Variants in SERPINE3 observed in about 807,000 individuals in gnomAD.
SERPINE3 encodes the protein serpin E3.
SERPINE3 carries 43 observed loss-of-function variants against 41.7 expected under a neutral mutation model. The ratio of observed to expected loss-of-function variants is 1.03; its 90% CI spans 0.81 to 1.33. SERPINE3 has a LOEUF of 1.33. Among genes scored for constraint, SERPINE3 ranks in the 40% most tolerant of loss-of-function variants. The pLI, the probability that SERPINE3 is intolerant of heterozygous loss-of-function variation, is 0.00. For missense variants in SERPINE3, 440 were observed against 491.7 expected, an observed-to-expected ratio of 0.89 and a Z score of 0.99; for synonymous variants, 200 against 192.2, an observed-to-expected ratio of 1.04 and a Z score of -0.34.
chr13:51,359,303 A>C (rs1955525765), intron 7 of SERPINE3, among the ~76,000 whole-genome samples: 1 of 152,088 alleles, frequency 6.6e-6, no homozygotes, highest in African/African-American at 2.4e-5. Context: ...AAGTGGGAGG[A>C]AAAATGCAAA....
rs779673485 is a variant in SERPINE3, at chr13:51,364,414, A to C, written c.*132A>C. 2.2e-5 allele frequency: 11 copies of C among 493,276 alleles called. No individual in the cohort carries two copies. Among genetic ancestry groups the C allele is most frequent in the Non-Finnish European group, 3.5e-5 (10 of 284,966 alleles). 30.6% of individuals were successfully genotyped at this position (493,276 alleles called of 1,614,324 possible). Reference sequence around the variant, plus strand: ...GGGTATGTGATTTTCAATATTATAAACCTAAAAATACTTCAGTTTTTAAAT... The same window carrying C: ...GGGTATGTGATTTTCAATATTATAACCCTAAAAATACTTCAGTTTTTAAAT... On this transcript the variant is annotated 3_prime_UTR_variant, in exon 10 of 10. Transcript: ENST00000681248.
intron 6 of SERPINE3, among the ~76,000 whole-genome samples, chr13:51,352,084 T>C (rs1280724171): frequency 1.3e-5 from 2 of 152,148 alleles, no homozygotes; most frequent in Non-Finnish European, 2.9e-5. Flanking sequence ...TTGTTTTAGC[T>C]ATTCTGGGCC....
rs558020451 is a variant in SERPINE3 at position 51,343,774 on chromosome 13, C to T, written c.257-478C>T. Among the ~76,000 whole-genome samples, 44 of 152,280 alleles carry T rather than the reference C, an allele frequency of 2.9e-4. No homozygotes were observed. The Middle Eastern group carries it at 0.01, about 35-fold the overall frequency. On this transcript the variant is annotated intron_variant, in intron 3 of 9. Coordinates refer to ENST00000681248, the MANE Select transcript of SERPINE3 (RefSeq NM_001386375.1). ...AGTTGTGGGAATGGATTTAAAGCCC[C>T]GTACAAGACATATTGACAGCACAAC...
intron 9 of SERPINE3, chr13:51,362,987 A>AG (rs1955611931): frequency 6.6e-6 from 1 of 151,996 alleles, no homozygotes; most frequent in South Asian, 2.1e-4. Context: ...CTTATCACCC[A>AG]GAACAGGCGG....
In SERPINE3 at chr13:51,341,280, C is replaced by A; in HGVS notation, c.189C>A (p.Ile63=). Residue 63 remains isoleucine, a synonymous_variant, in exon 3 of 10, where the codon ATC becomes ATA. Transcript: ENST00000681248. ...SPAGVSLPLE[I]LQFGAEGSTG... Reference sequence around the variant, plus strand: ...CTGGTGTGTCCCTCCCCCTGGAGATCCTGCAGTTTGGAGCAGAAGGGAGCA... The same window carrying A: ...CTGGTGTGTCCCTCCCCCTGGAGATACTGCAGTTTGGAGCAGAAGGGAGCA... 1 of 1,613,886 alleles carries A rather than the reference C, an allele frequency of 6.2e-7. No homozygotes were observed. Among genetic ancestry groups the A allele is most frequent in the Non-Finnish European group, 8.5e-7 (1 of 1,179,844 alleles).
intron 4 of SERPINE3, among the ~76,000 whole-genome samples, chr13:51,345,988 G>T (rs1399197896): frequency 6.6e-6 from 1 of 152,164 alleles, no homozygotes; most frequent in Non-Finnish European, 1.5e-5. Context: ...TGGGTAACTG[G>T]GTGGATGGTG....
chr13:51,345,198 CTG>C (rs778732877), intron 4 of SERPINE3, among the ~76,000 whole-genome samples: 1 of 152,112 alleles, frequency 6.6e-6, no homozygotes, highest in Non-Finnish European at 1.5e-5. Context: ...AATGGAGAAA[CTG>C]AGGCACAGAA....
intron 7 of SERPINE3, among the ~76,000 whole-genome samples, chr13:51,355,548 C>G (rs1566195310): frequency 6.6e-6 from 1 of 152,068 alleles, no homozygotes; most frequent in Non-Finnish European, 1.5e-5. Context: ...TTCCCAATAC[C>G]TTCTCTGTCC....
In SERPINE3 at chr13:51,340,828, T is replaced by A. The variant is rs1955282279; in HGVS notation, c.-51T>A. ...ATCCAGTAAGTGGCCGAAGCAGATC[T>A]TCAGACCCACAGTTTGGCTGCCAAA... On this transcript the variant is annotated 5_prime_UTR_variant, in exon 2 of 10. Coordinates refer to ENST00000681248, the MANE Select transcript of SERPINE3 (RefSeq NM_001386375.1). 1.8e-6 allele frequency: 1 copy of A among 549,602 alleles called. No homozygotes were observed. The highest frequency in any genetic ancestry group is 3.1e-5 in the East Asian group (1 of 32,694). 34.0% of individuals were successfully genotyped at this position (549,602 alleles called of 1,614,324 possible).
chr13:51,359,966 A>AT (rs1457814027), intron 7 of SERPINE3, among the ~76,000 whole-genome samples: 1 of 152,110 alleles, frequency 6.6e-6, no homozygotes, highest in Non-Finnish European at 1.5e-5. Flanking sequence ...GTTTCTATTG[A>AT]TTTTTACTTC....
chr13:51,353,077 T>C (rs1362750659), intron 6 of SERPINE3, among the ~76,000 whole-genome samples: 1 of 152,194 alleles, frequency 6.6e-6, no homozygotes, highest in Non-Finnish European at 1.5e-5. Context: ...TATCCTTGTC[T>C]GGTATTGGTA....
At chr13:51,344,623 C>A (rs1025134285) in intron 4 of SERPINE3, 138 bp downstream of exon 4, 1 of 683,534 alleles carries the variant, frequency 1.5e-6, no homozygotes, top group Non-Finnish European at 2.5e-6. Context: ...GGAGATCCTA[C>A]CCTTGAATGA....
chr13:51,341,866 G>C (rs1008952810), intron 3 of SERPINE3, among the ~76,000 whole-genome samples: 1 of 152,198 alleles, frequency 6.6e-6, no homozygotes, highest in Non-Finnish European at 1.5e-5. Context: ...AAGTGACAGA[G>C]TTGGGACTCA....
intron 7 of SERPINE3, among the ~76,000 whole-genome samples, chr13:51,355,763 A>C (rs1336084155): frequency 6.6e-6 from 1 of 152,206 alleles, no homozygotes; most frequent in Non-Finnish European, 1.5e-5. Flanking sequence ...AAATATAAAC[A>C]GGGAGTGAAT....
rs747542330 is a variant in SERPINE3 at position 51,344,260 on chromosome 13, G to T, written c.265G>T (p.Val89Leu). ...CAACTTGTTTTTCACAGACAAAAGGGTGAAAGATTTCTTGCATGCTGTTTA... is the reference window on the plus strand; with the variant it reads ...CAACTTGTTTTTCACAGACAAAAGGTTGAAAGATTTCTTGCATGCTGTTTA... ...ALGYTVHDKRVKDFLHAVYAT... is the reference protein window; with the variant it reads ...ALGYTVHDKRLKDFLHAVYAT... The change falls in exon 4 of 10, where the codon GTG becomes TTG. Residue 89 changes from valine (V) to leucine (L), a missense_variant. Coordinates refer to ENST00000681248, the MANE Select transcript of SERPINE3 (RefSeq NM_001386375.1). The T allele has an allele frequency of 1.1e-5, 18 of 1,613,586 alleles. No homozygotes were observed. The African/African-American group carries it at 2.0e-4, about 18-fold the overall frequency.
intron 6 of SERPINE3, among the ~76,000 whole-genome samples, chr13:51,351,607 C>G (rs1023002590): frequency 6.6e-6 from 1 of 151,936 alleles, no homozygotes; most frequent in Non-Finnish European, 1.5e-5. Flanking sequence ...CAATGGTGTC[C>G]TTTGAAGCAC....
chr13:51,344,600 G>C, intron 4 of SERPINE3, 115 bp downstream of exon 4: 1 of 798,124 alleles, frequency 1.3e-6, no homozygotes, highest in East Asian at 2.7e-5. Flanking sequence ...TACAGCAGAA[G>C]TCTGTCCTCT....
Position 51,341,336 on chromosome 13 carries a change from A to G in SERPINE3, c.245A>G (p.Tyr82Cys). 1 of 1,599,534 alleles carries G rather than the reference A, an allele frequency of 6.3e-7. No homozygotes were observed. Among genetic ancestry groups the G allele is most frequent in the South Asian group, 1.1e-5 (1 of 89,210 alleles). The stretch of plus-strand genomic sequence containing the variant: ...CAGCAGCTGGCAGATGCCCTGGGGT[A>G]CACTGTCCATGGTAAGAGGCCTGCC... ...TGQQLADALG[Y>C]TVHDKRVKDF... is the part of the protein sequence containing the mutation. Residue 82 changes from tyrosine (Y) to cysteine (C), a missense_variant, in exon 3 of 10, where the codon TAC (tyrosine) becomes TGC (cysteine). Tyr to Cys is a radical substitution (Grantham distance 194, BLOSUM62 -2). Coordinates refer to ENST00000681248, the MANE Select transcript of SERPINE3 (RefSeq NM_001386375.1).
Position 51,364,293 on chromosome 13 carries a change from T to C in SERPINE3, c.*11T>C. On this transcript the variant is annotated 3_prime_UTR_variant, in exon 10 of 10. Transcript: ENST00000681248. The stretch of plus-strand genomic sequence containing the variant: ...AATCCCCTAGACTAAATGCATGTTC[T>C]CCACTTTCATCAATGCTTTTCTTCA... 1 of 1,416,634 alleles carries C rather than the reference T, an allele frequency of 7.1e-7. No individual in the cohort carries two copies. The highest frequency in any genetic ancestry group is 1.3e-5 in the South Asian group (1 of 77,356). 87.8% of individuals were successfully genotyped at this position (1,416,634 alleles called of 1,614,324 possible).
Sources: gnomAD v4.1 joint callset for allele counts (sites outside exome capture counted in the v4.1 genomes callset) on GRCh38, gnomAD v4.1.1 for gene constraint, MANE v1.5 for transcripts, NCBI Gene and HGNC (gene_info 2026-07-23, HGNC 2026-07-21) for gene names.